The following GPHN variants were observed in gnomAD, a reference collection of about 807,000 sequenced individuals.
GPHN encodes gephyrin.
A neutral mutation model predicts 95.5 loss-of-function variants in GPHN; 17 were observed. The ratio of observed to expected loss-of-function variants is 0.18; its 90% CI spans 0.12 to 0.27. The LOEUF (loss-of-function observed/expected upper bound fraction) is 0.27. Ranked by LOEUF, GPHN falls within the 10% of genes least tolerant of loss-of-function variation. The pLI, the probability that GPHN is intolerant of heterozygous loss-of-function variation, is 1.00. For synonymous variants in GPHN, 320 were observed against 322.5 expected (o/e 0.99, Z 0.08); for missense variants, 660 against 978.1 (o/e 0.67, Z 4.34).
At chr14:67,575,993 C>A in the GPHN span, 40 of 1,611,372 alleles carry the variant, frequency 2.5e-5, 1 homozygote, top group Middle Eastern at 9.9e-4. Context: ...TCATTGGCAC[C>A]AAGCATGAAA....
the GPHN span, among the ~76,000 whole-genome samples, chr14:67,406,529 G>A: frequency 0.15 from 22,803 of 152,086 alleles, 3,259 homozygotes; most frequent in East Asian, 0.42. Flanking sequence ...GGGAGGTGAT[G>A]GGGACCAAGG....
In GPHN at chr14:66,553,052, A is replaced by G. The variant is rs1458382005; in HGVS notation, c.64+44461A>G. On this transcript the variant is annotated intron_variant, in intron 1 of 22. Coordinates refer to ENST00000478722, the MANE Select transcript of GPHN (RefSeq NM_020806.5). ...GTTTCCCAGGCTGGAGTGCAGTGGC[A>G]CGATCTTGGCTCACTGTAACCTCCG... 2.8e-4 allele frequency among the ~76,000 whole-genome samples: 41 copies of G among 148,184 alleles called. 2 individuals are homozygous for G. Among genetic ancestry groups the G allele is most frequent in the African/African-American group, 9.6e-4 (38 of 39,500 alleles).
chr14:67,724,274 C>T, the GPHN span, among the ~76,000 whole-genome samples: 1 of 152,176 alleles, frequency 6.6e-6, no homozygotes, highest in African/African-American at 2.4e-5. Flanking sequence ...GATCTTCCCA[C>T]CTGCACCGAT....
In GPHN at chr14:67,088,992, G is replaced by T. The variant is rs753097692; in HGVS notation, c.1154G>T (p.Gly385Val). 1 of 1,588,456 alleles carries T rather than the reference G, an allele frequency of 6.3e-7. No homozygotes were observed. The highest frequency in any genetic ancestry group is 8.6e-7 in the Non-Finnish European group (1 of 1,156,750). ...TTTTCTCTTCCTTCAGATGGAATGG[G>T]GCGAGTCCTTGCTCAAGATGTATAT... is the stretch of plus-strand genomic sequence containing the variant. The part of the protein sequence containing the change: ...TEIINYRDGM[G>V]RVLAQDVYAK... The change falls in exon 12 of 23, where the codon GGG (glycine) becomes GTG (valine). Residue 385 changes from glycine (G) to valine (V), a missense_variant. Coordinates refer to ENST00000478722, the MANE Select transcript of GPHN (RefSeq NM_020806.5).
the GPHN span, among the ~76,000 whole-genome samples, chr14:67,424,033 T>C: frequency 1.3e-5 from 2 of 150,792 alleles, no homozygotes; most frequent in East Asian, 3.9e-4. Context: ...AGGTCGGGAG[T>C]TCAAGACCAG....
intron 1 of GPHN, among the ~76,000 whole-genome samples, chr14:66,620,142 A>G (rs1170920951): frequency 6.6e-6 from 1 of 152,148 alleles, no homozygotes; most frequent in Non-Finnish European, 1.5e-5. Flanking sequence ...ACACTTACCC[A>G]TGTGATAGAA....
At chr14:66,710,950 A>G (rs1406945809) in intron 2 of GPHN, among the ~76,000 whole-genome samples, 1 of 152,234 alleles carries the variant, frequency 6.6e-6, no homozygotes, top group Non-Finnish European at 1.5e-5. Flanking sequence ...TTTGAGTTAC[A>G]TACTCTAAGA....
chr14:66,572,801 G>T (rs2060749649), intron 1 of GPHN, among the ~76,000 whole-genome samples: 1 of 152,128 alleles, frequency 6.6e-6, no homozygotes, highest in Non-Finnish European at 1.5e-5. Flanking sequence ...ACGTTGAATA[G>T]AAGTCGTGAG....
chr14:67,571,598 C>T, the GPHN span: 3 of 664,776 alleles, frequency 4.5e-6, no homozygotes, highest in Non-Finnish European at 5.3e-6. Context: ...AGGAGTGAGG[C>T]CAGGAGGGAC....
intron 3 of GPHN, among the ~76,000 whole-genome samples, chr14:66,813,330 A>G (rs2060836165): frequency 6.6e-6 from 1 of 152,252 alleles, no homozygotes; most frequent in Non-Finnish European, 1.5e-5. Flanking sequence ...AAGTACTGAG[A>G]CAACAGGCAT....
chr14:67,499,191 A>G, the GPHN span, among the ~76,000 whole-genome samples: 1 of 151,858 alleles, frequency 6.6e-6, no homozygotes, highest in South Asian at 2.1e-4. Flanking sequence ...TTTTGTAGAT[A>G]TGGGGTCCTG....
At chr14:67,519,568 C>T in the GPHN span, among the ~76,000 whole-genome samples, 1 of 152,166 alleles carries the variant, frequency 6.6e-6, no homozygotes, top group Admixed American at 6.5e-5. Flanking sequence ...TACTGCACAT[C>T]GTGATTAGAG....
At chr14:67,448,800 G>C in the GPHN span, among the ~76,000 whole-genome samples, 10 of 152,162 alleles carry the variant, frequency 6.6e-5, no homozygotes, top group Admixed American at 1.3e-4. Flanking sequence ...AGAGGGAGTA[G>C]GGCAATGAGG....
chr14:67,121,970 T>A (rs1027541312), intron 16 of GPHN, among the ~76,000 whole-genome samples: 2 of 152,200 alleles, frequency 1.3e-5, no homozygotes, highest in Admixed American at 1.3e-4. Context: ...GGCCAGTATC[T>A]CCAGAGCATT....
At chr14:67,163,346 T>C (rs1354487601) in intron 19 of GPHN, among the ~76,000 whole-genome samples, 1 of 152,042 alleles carries the variant, frequency 6.6e-6, no homozygotes, top group Admixed American at 6.6e-5. Flanking sequence ...TTTTTATTAT[T>C]ACTGTTATTA....
rs113376703 is a variant in GPHN, at chr14:67,023,921, C to T, written c.1006+246C>T. ...ACTCCTAGGAGGGTAGGAATGAGCT[C>T]CTCTGTGACTCTGAACCTCTCTTTA... On this transcript the variant is annotated intron_variant, in intron 10 of 22. Coordinates refer to ENST00000478722, the MANE Select transcript of GPHN (RefSeq NM_020806.5). Among the ~76,000 whole-genome samples the T allele has an allele frequency of 5.0e-3, 767 of 152,178 alleles. 5 individuals are homozygous for T. The highest frequency in any genetic ancestry group is 7.6e-3 in the Non-Finnish European group (517 of 67,990).
At chr14:66,540,654 A>T (rs1413223307) in intron 1 of GPHN, among the ~76,000 whole-genome samples, 1 of 152,248 alleles carries the variant, frequency 6.6e-6, no homozygotes, top group Admixed American at 6.5e-5. Flanking sequence ...TTGTTTTTTT[A>T]GCCATATACT....
chr14:66,707,970 A>G (rs1017553174), intron 2 of GPHN, among the ~76,000 whole-genome samples: 2 of 152,132 alleles, frequency 1.3e-5, no homozygotes, highest in African/African-American at 4.8e-5. Context: ...TGAAATATAC[A>G]TTGCATTCTT....
chr14:66,922,271 G>GTT (rs143579871), intron 6 of GPHN, among the ~76,000 whole-genome samples: 70 of 141,716 alleles, frequency 4.9e-4, no homozygotes, highest in Non-Finnish European at 7.8e-4. Flanking sequence ...CAGAGTGTAT[G>GTT]TTTTTTTTTT....
Sources: allele counts gnomAD v4.1 joint callset (sites outside exome capture counted in the v4.1 genomes callset), GRCh38; gene constraint gnomAD v4.1.1; transcripts MANE v1.5; gene names NCBI Gene and HGNC (gene_info 2026-07-23, HGNC 2026-07-21).